The following ZEB1 variants were observed in gnomAD, a reference collection of about 807,000 sequenced individuals.
The protein encoded by ZEB1 is zinc finger E-box-binding homeobox 1.
In ZEB1, 21 loss-of-function variants were observed where a neutral mutation model predicts 84.9. The ratio of observed to expected loss-of-function variants is 0.25; its 90% CI spans 0.18 to 0.36. The LOEUF is 0.36. Ranked by LOEUF, ZEB1 falls within the 10% of genes least tolerant of loss-of-function variation. ZEB1 has a pLI of 1.00. For missense variants in ZEB1, 1,104 were observed against 1,330.2 expected, an observed-to-expected ratio of 0.83 and a Z score of 2.65; for synonymous variants, 420 against 471.1, an observed-to-expected ratio of 0.89 and a Z score of 1.41.
intron 1 of ZEB1, among the ~76,000 whole-genome samples, chr10:31,415,290 T>A (rs2055017022): frequency 6.6e-6 from 1 of 152,098 alleles, no homozygotes; most frequent in Non-Finnish European, 1.5e-5. Flanking sequence ...TAAGCAAGGA[T>A]GATACCCTAA....
chr10:31,449,735 T>G (rs185715203), intron 1 of ZEB1, among the ~76,000 whole-genome samples: 1 of 152,330 alleles, frequency 6.6e-6, no homozygotes, highest in African/African-American at 2.4e-5. Flanking sequence ...CTAGTTTATG[T>G]TCTCCTACCA....
At chr10:31,407,170 G>C (rs1041042829) in intron 1 of ZEB1, among the ~76,000 whole-genome samples, 7 of 151,110 alleles carry the variant, frequency 4.6e-5, no homozygotes, top group African/African-American at 1.7e-4. Context: ...ATGTATACAT[G>C]TGCCATGCTG....
At chr10:31,446,864 T>C (rs548610224) in intron 1 of ZEB1, among the ~76,000 whole-genome samples, 25 of 152,132 alleles carry the variant, frequency 1.6e-4, no homozygotes, top group Non-Finnish European at 2.9e-4. Context: ...AGGTGTGGTG[T>C]GGTGCTGAAA....
chr10:31,356,428 C>T (rs79802837), intron 1 of ZEB1, among the ~76,000 whole-genome samples: 2,295 of 152,058 alleles, frequency 0.015, 43 homozygotes, highest in African/African-American at 0.052. Flanking sequence ...GAAGGTGACT[C>T]TTTAGGATTT....
At chr10:31,437,738 T>C (rs1236988937) in intron 1 of ZEB1, among the ~76,000 whole-genome samples, 2 of 152,246 alleles carry the variant, frequency 1.3e-5, no homozygotes, top group Non-Finnish European at 2.9e-5. Flanking sequence ...TTGGGGTTCA[T>C]GATCTTTTTC....
intron 2 of ZEB1, among the ~76,000 whole-genome samples, chr10:31,486,965 C>A (rs1451245513): frequency 1.3e-5 from 2 of 151,320 alleles, no homozygotes; most frequent in African/African-American, 4.8e-5. Flanking sequence ...GGTGAAGTTT[C>A]ATTTCTTCAA....
At chr10:31,524,945 G>C (rs1350833889) in intron 8 of ZEB1, among the ~76,000 whole-genome samples, 2 of 152,284 alleles carry the variant, frequency 1.3e-5, no homozygotes, top group East Asian at 3.9e-4. Context: ...CACAAAATAT[G>C]CCTCCTTAGG....
At chr10:31,506,829 T>C (rs1011165220) in intron 4 of ZEB1, among the ~76,000 whole-genome samples, 7 of 152,180 alleles carry the variant, frequency 4.6e-5, no homozygotes, top group African/African-American at 1.7e-4. Flanking sequence ...CATTTGTTCC[T>C]TTCTTTCTTA....
chr10:31,402,951 C>T (rs1388827658), intron 1 of ZEB1, among the ~76,000 whole-genome samples: 1 of 151,968 alleles, frequency 6.6e-6, no homozygotes, highest in Non-Finnish European at 1.5e-5. Flanking sequence ...TTTTGGGGCT[C>T]TATTTGTTAT....
chr10:31,470,279 C>T (rs1389434746), intron 2 of ZEB1, among the ~76,000 whole-genome samples: 1 of 150,414 alleles, frequency 6.6e-6, no homozygotes, highest in African/African-American at 2.5e-5. Flanking sequence ...TACGGGAGGA[C>T]ATTCAAACCA....
rs897418434 is a variant in ZEB1, at chr10:31,443,660, G to C, written c.59-17377G>C. Among the ~76,000 whole-genome samples the C allele has an allele frequency of 8.7e-3, 1,293 of 148,458 alleles. 12 individuals are homozygous for C. The highest frequency in any genetic ancestry group is 0.03 in the African/African-American group (1,207 of 39,648). On this transcript the variant is annotated intron_variant, in intron 1 of 8. Transcript: ENST00000424869. ...TCCCACCTATGAGTGAGAATATGCG[G>C]TGTTTGGTTTTTTGTTCTTGCGATA...
rs3086583 is a variant in ZEB1, at chr10:31,527,412, A to AACACACACACAC, written c.*178_*189dup. Reference sequence around the variant, plus strand: ...AAAACTAAAAAAATACAAAATACAAAACACACACACACACACACACACACA... The same window carrying AACACACACACAC: ...AAAACTAAAAAAATACAAAATACAAAACACACACACACACACACACACACACACACACACACA... On this transcript the variant is annotated 3_prime_UTR_variant, in exon 9 of 9. Coordinates refer to ENST00000424869, the MANE Select transcript of ZEB1 (RefSeq NM_001174096.2). 1.2e-4 allele frequency: 63 copies of AACACACACACAC among 515,734 alleles called. No individual in the cohort carries two copies. Among genetic ancestry groups the AACACACACACAC allele is most frequent in the African/African-American group, 7.0e-4 (35 of 49,660 alleles). The allele number at this position is 515,734 out of a possible 1,614,324, so 31.9% of individuals were successfully genotyped here. A position where few individuals can be genotyped will look rare whatever the true frequency, so the allele number is the denominator to read the frequency against.
intron 1 of ZEB1, among the ~76,000 whole-genome samples, chr10:31,333,963 G>T (rs1278331505): frequency 6.6e-6 from 1 of 151,964 alleles, no homozygotes; most frequent in African/African-American, 2.4e-5. Context: ...GAGAGTGAGG[G>T]TCACTCAATA....
At chr10:31,374,714 C>A (rs1051376579) in intron 1 of ZEB1, 1 of 151,706 alleles carries the variant, frequency 6.6e-6, no homozygotes, top group Non-Finnish European at 1.5e-5. Flanking sequence ...AAAGTTAATT[C>A]TATTAATATC....
At chr10:31,400,466 A>C (rs2051755290) in intron 1 of ZEB1, among the ~76,000 whole-genome samples, 1 of 152,090 alleles carries the variant, frequency 6.6e-6, no homozygotes, top group Non-Finnish European at 1.5e-5. Flanking sequence ...TTTTTTGCAC[A>C]GATCCTTAGC....
chr10:31,354,193 T>C (rs2041763043), intron 1 of ZEB1, among the ~76,000 whole-genome samples: 1 of 152,204 alleles, frequency 6.6e-6, no homozygotes, highest in South Asian at 2.1e-4. Flanking sequence ...AACAATGATA[T>C]TGGAATCCCA....
chr10:31,410,719 T>C (rs1393246289), intron 1 of ZEB1, among the ~76,000 whole-genome samples: 5 of 152,210 alleles, frequency 3.3e-5, no homozygotes, highest in African/African-American at 9.6e-5. Flanking sequence ...GACATCTTCC[T>C]GGTTTAGTCT....
chr10:31,497,924 A>ATAGATAG (rs2067482406), intron 3 of ZEB1, among the ~76,000 whole-genome samples: 2 of 145,382 alleles, frequency 1.4e-5, no homozygotes, highest in Non-Finnish European at 3.0e-5. Context: ...AGGATGGAAA[A>ATAGATAG]ATAGATAGAT....
intron 1 of ZEB1, among the ~76,000 whole-genome samples, chr10:31,411,333 A>T (rs2054203092): frequency 6.6e-6 from 1 of 152,180 alleles, no homozygotes; most frequent in African/African-American, 2.4e-5. Flanking sequence ...AAGACACACC[A>T]TACCAGAATC....
Sources: gnomAD v4.1 joint callset for allele counts (sites outside exome capture counted in the v4.1 genomes callset) on GRCh38, gnomAD v4.1.1 for gene constraint, MANE v1.5 for transcripts, NCBI Gene and HGNC (gene_info 2026-07-23, HGNC 2026-07-21) for gene names.